Variants in AK8 observed in about 807,000 individuals in gnomAD.
AK8 encodes the protein adenylate kinase 8.
A neutral mutation model predicts 54.6 loss-of-function variants in AK8; 44 were observed. The observed-to-expected ratio is 0.81, with a 90% CI of 0.63 to 1.04. AK8 has a LOEUF of 1.04. AK8 is among the 50% of genes least tolerant of loss of function. The pLI is 0.00. For synonymous variants in AK8, 239 were observed against 245.6 expected, an observed-to-expected ratio of 0.97 and a Z score of 0.25; for missense variants, 555 against 613.6, an observed-to-expected ratio of 0.90 and a Z score of 1.01.
At chr9:132,816,432 T>C (rs1841333864) in intron 9 of AK8, among the ~76,000 whole-genome samples, 1 of 152,054 alleles carries the variant, frequency 6.6e-6, no homozygotes, top group African/African-American at 2.4e-5. Context: ...CCAAGCACTG[T>C]GCTAAGTGTG....
upstream of AK8, chr9:132,878,393 C>A: frequency 5.6e-6 from 7 of 1,241,966 alleles, no homozygotes; most frequent in Non-Finnish European, 6.1e-6. This position sits in a 1 kb window ranked among gnomAD's most constrained non-coding sequence, Gnocchi z 4.7. Flanking sequence ...TCGCGCGGGT[C>A]GCCCCCGCCC....
chr9:132,770,486 G>A lies in AK8; in HGVS notation c.1121+22148C>T, dbSNP rs1838917297. On this transcript the variant is annotated intron_variant, in intron 11 of 12. Transcript: ENST00000298545. This position sits in a 1 kb window ranked among gnomAD's most constrained non-coding sequence, Gnocchi z 4.3. ...GGCAGGGGCGAGGGGACACCCTGTG[G>A]AGGAGCGGGCTGGGAGCGCGGGGGA... is the stretch of plus-strand genomic sequence containing the variant. Among the ~76,000 whole-genome samples the A allele has an allele frequency of 6.6e-6, 1 of 152,208 alleles. No homozygotes were observed. The highest frequency in any genetic ancestry group is 6.5e-5 in the Admixed American group (1 of 15,294).
intron 11 of AK8, among the ~76,000 whole-genome samples, chr9:132,738,969 G>A (rs1345412715): frequency 1.3e-5 from 2 of 151,426 alleles, no homozygotes; most frequent in African/African-American, 4.9e-5. Context: ...TGCCCAGGCT[G>A]GTCTTGAATT....
At chr9:132,849,766 G>C (rs532394343) in intron 5 of AK8, among the ~76,000 whole-genome samples, 3 of 152,240 alleles carry the variant, frequency 2.0e-5, no homozygotes, top group Admixed American at 1.3e-4. Flanking sequence ...ATATATTTTT[G>C]AGACAGGGTC....
chr9:132,869,032 T>C lies in AK8; in HGVS notation c.170-2079A>G, dbSNP rs186820312. Among the ~76,000 whole-genome samples, 62 of 151,992 alleles carry C rather than the reference T, an allele frequency of 4.1e-4. 3 individuals are homozygous for C. The South Asian group carries it at 0.012, about 31-fold the overall frequency. ...CATCTCTACTGAAAATACAAAAAAT[T>C]AGACAGGCGTGGTGGCACACAACTG... On this transcript the variant is annotated intron_variant, in intron 2 of 12. Transcript: ENST00000298545.
chr9:132,866,550 T>C (rs894962053), intron 3 of AK8, among the ~76,000 whole-genome samples: 1 of 152,142 alleles, frequency 6.6e-6, no homozygotes, highest in Non-Finnish European at 1.5e-5. Flanking sequence ...TCAAAGTCTA[T>C]GAAATGCGTG....
rs186789090 is a variant in AK8, at chr9:132,733,348, G to A, written c.1122-5814C>T. Reference sequence around the variant, plus strand: ...CACCCCCGGTACTGCAAGGCCCAACGGCAACACCAAAACACGGCTGTCACG... The same window carrying A: ...CACCCCCGGTACTGCAAGGCCCAACAGCAACACCAAAACACGGCTGTCACG... On this transcript the variant is annotated intron_variant, in intron 11 of 12. Coordinates refer to ENST00000298545, the MANE Select transcript of AK8 (RefSeq NM_152572.3). 2.2e-3 allele frequency among the ~76,000 whole-genome samples: 332 copies of A among 152,300 alleles called. 1 individual carries two copies. The highest frequency in any genetic ancestry group is 2.8e-3 in the Non-Finnish European group (189 of 68,036).
At chr9:132,874,224 C>T (rs1046451667) in intron 2 of AK8, 5 of 152,248 alleles carry the variant, frequency 3.3e-5, no homozygotes, top group African/African-American at 1.2e-4. Context: ...ACCCAAGATT[C>T]CCTTACTCTG....
chr9:132,767,048 A>G (rs1290675164), intron 11 of AK8, among the ~76,000 whole-genome samples: 1 of 152,266 alleles, frequency 6.6e-6, no homozygotes, highest in African/African-American at 2.4e-5. Context: ...ACATGAGGAA[A>G]CACTTCAGGA....
chr9:132,737,480 C>T (rs1203851273), intron 11 of AK8, among the ~76,000 whole-genome samples: 1 of 152,112 alleles, frequency 6.6e-6, no homozygotes, highest in Non-Finnish European at 1.5e-5. Flanking sequence ...AAATCCTCAG[C>T]AGAATATTAG....
intron 11 of AK8, among the ~76,000 whole-genome samples, chr9:132,779,817 T>G (rs1197552950): frequency 6.6e-6 from 1 of 152,224 alleles, no homozygotes; most frequent in South Asian, 2.1e-4. Context: ...GGATAGAATT[T>G]AACAGTTCAG....
chr9:132,875,064 G>A, intron 2 of AK8, 51 bp downstream of exon 2: 20 of 1,608,422 alleles, frequency 1.2e-5, no homozygotes, highest in Non-Finnish European at 1.7e-5. Flanking sequence ...AGGGGAAGGA[G>A]GAGGAGGGGA....
chr9:132,829,236 G>A (rs1842008614), intron 5 of AK8, among the ~76,000 whole-genome samples: 1 of 152,098 alleles, frequency 6.6e-6, no homozygotes, highest in African/African-American at 2.4e-5. Flanking sequence ...GGGATTACAG[G>A]CGTGAGCAAC....
intron 11 of AK8, among the ~76,000 whole-genome samples, chr9:132,748,826 C>G (rs1218268626): frequency 6.6e-6 from 1 of 151,950 alleles, no homozygotes; most frequent in East Asian, 1.9e-4. Flanking sequence ...GAAGTACACA[C>G]TAATTTCTTG....
chr9:132,818,466 C>T (rs1012125160), intron 9 of AK8, among the ~76,000 whole-genome samples: 2 of 152,096 alleles, frequency 1.3e-5, no homozygotes, highest in Non-Finnish European at 2.9e-5. Context: ...TGCTGCGAGG[C>T]TCTGATATCA....
intron 10 of AK8, among the ~76,000 whole-genome samples, chr9:132,797,741 T>C (rs1404347276): frequency 6.6e-6 from 1 of 152,208 alleles, no homozygotes; most frequent in African/African-American, 2.4e-5. Flanking sequence ...ATTTAATGCT[T>C]AAAACAGATT....
At chr9:132,728,470 C>A (rs1161440724) in intron 11 of AK8, among the ~76,000 whole-genome samples, 1 of 152,180 alleles carries the variant, frequency 6.6e-6, no homozygotes, top group Admixed American at 6.5e-5. Context: ...CTCAGTTACC[C>A]CAACTACAAA....
chr9:132,854,142 G>A (rs72759424), intron 5 of AK8, among the ~76,000 whole-genome samples: 3,656 of 152,294 alleles, frequency 0.024, 64 homozygotes, highest in Non-Finnish European at 0.035. Flanking sequence ...TTGAGGCTAA[G>A]TGAGCTGTGA....
At chr9:132,756,659 A>T (rs191346416) in intron 11 of AK8, among the ~76,000 whole-genome samples, 1 of 152,334 alleles carries the variant, frequency 6.6e-6, no homozygotes, top group Non-Finnish European at 1.5e-5. Context: ...ATTCTGAGCA[A>T]GCAAGAGGGC....
Sources: allele counts gnomAD v4.1 joint callset (sites outside exome capture counted in the v4.1 genomes callset), GRCh38; gene constraint gnomAD v4.1.1; non-coding constraint Gnocchi (gnomAD v3.1); transcripts MANE v1.5; gene names NCBI Gene and HGNC (gene_info 2026-07-23, HGNC 2026-07-21).